The following CRY1 variants were observed in gnomAD, a reference collection of about 807,000 sequenced individuals.
CRY1 encodes cryptochrome-1.
In CRY1, 45 loss-of-function variants were observed where a neutral mutation model predicts 76.0. The observed-to-expected ratio is 0.59, with a 90% CI of 0.47 to 0.76. The LOEUF is 0.76. Among genes scored for constraint, CRY1 ranks in the 30% least tolerant of loss-of-function variants. The pLI is 0.00. For synonymous variants in CRY1, 248 were observed against 244.0 expected, an observed-to-expected ratio of 1.02 and a Z score of -0.15; for missense variants, 587 against 716.4, an observed-to-expected ratio of 0.82 and a Z score of 2.06.
rs572288661 is a variant in CRY1, at chr12:107,065,582, C to T, written c.158+27222G>A. 4.6e-5 allele frequency among the ~76,000 whole-genome samples: 7 copies of T among 151,110 alleles called. No individual in the cohort carries two copies. The East Asian group carries it at 5.8e-4, about 13-fold the overall frequency. ...TGCACTCCAGCCTGGGTGACAAGAG[C>T]GAAACTCTGTTTCAAAAAAAAAAGA... On this transcript the variant is annotated intron_variant, in intron 1 of 12. Transcript: ENST00000008527.
In CRY1 at chr12:107,093,272, C is replaced by A; in HGVS notation, c.-311G>T. On this transcript the variant is annotated 5_prime_UTR_variant, in exon 1 of 13. Transcript: ENST00000008527. The stretch of plus-strand genomic sequence containing the variant: ...GGGCCTCGGACCTCCGGAGCCTGAG[C>A]AAGTTCCAGGAGCTCGAGCCGCCAC... 3.3e-6 allele frequency: 1 copy of A among 301,836 alleles called. No individual in the cohort carries two copies. Among genetic ancestry groups the A allele is most frequent in the Non-Finnish European group, 6.1e-6 (1 of 164,078 alleles). 18.7% of individuals were successfully genotyped at this position (301,836 alleles called of 1,614,324 possible).
chr12:107,005,095 A>G lies in CRY1; in HGVS notation c.410+11T>C. 1.3e-6 allele frequency: 2 copies of G among 1,587,972 alleles called. No individual in the cohort carries two copies. The highest frequency in any genetic ancestry group is 1.7e-6 in the Non-Finnish European group (2 of 1,172,464). On this transcript the variant is annotated intron_variant, in intron 3 of 12. Transcript: ENST00000008527. ...GCATTTTCCCACAGTAAAAAAAAAAAAAGGACTCACTTGTCTAGGTCATAT... is the reference window on the plus strand; with the variant it reads ...GCATTTTCCCACAGTAAAAAAAAAAGAAGGACTCACTTGTCTAGGTCATAT...
At chr12:106,992,244 C>T (rs1593488105) in intron 12 of CRY1, 1 of 152,106 alleles carries the variant, frequency 6.6e-6, no homozygotes, top group East Asian at 1.9e-4. Context: ...CACAAAATGA[C>T]ATCCCAAATC....
At chr12:107,032,431 T>C (rs1342198684) in intron 1 of CRY1, among the ~76,000 whole-genome samples, 2 of 151,978 alleles carry the variant, frequency 1.3e-5, no homozygotes, top group African/African-American at 2.4e-5. Context: ...ATGGAAACTA[T>C]GTGGTCCCAA....
At chr12:107,089,910 T>C (rs1049095832) in intron 1 of CRY1, among the ~76,000 whole-genome samples, 1 of 152,222 alleles carries the variant, frequency 6.6e-6, no homozygotes, top group Non-Finnish European at 1.5e-5. Flanking sequence ...TTTGGTACTA[T>C]GAGTGATTCC....
chr12:107,065,280 G>C (rs140885670), intron 1 of CRY1, among the ~76,000 whole-genome samples: 239 of 151,566 alleles, frequency 1.6e-3, no homozygotes, highest in African/African-American at 5.3e-3. Context: ...GGGCGACAGA[G>C]TGAGACTCTG....
chr12:107,004,810 G>A (rs1191537932), intron 3 of CRY1, among the ~76,000 whole-genome samples: 2 of 152,160 alleles, frequency 1.3e-5, no homozygotes, highest in African/African-American at 4.8e-5. Flanking sequence ...AGGAGGCTGA[G>A]TTAAGAGTAG....
chr12:107,019,180 G>A (rs1952526783), intron 2 of CRY1, among the ~76,000 whole-genome samples: 1 of 152,036 alleles, frequency 6.6e-6, no homozygotes, highest in African/African-American at 2.4e-5. Context: ...GGTGAAGGTG[G>A]GGGACAACAT....
intron 1 of CRY1, among the ~76,000 whole-genome samples, chr12:107,060,447 G>A (rs1194726459): frequency 6.6e-6 from 1 of 152,236 alleles, no homozygotes; most frequent in East Asian, 1.9e-4. Flanking sequence ...CCTTCATCTT[G>A]GGACTTCCCA....
chr12:106,997,349 A>C lies in CRY1; in HGVS notation c.1530T>G (p.Asn510Lys). 1 of 1,614,064 alleles carries C rather than the reference A, an allele frequency of 6.2e-7. No individual in the cohort carries two copies. Among genetic ancestry groups the C allele is most frequent in the Non-Finnish European group, 8.5e-7 (1 of 1,179,954 alleles). ...CTGCAGAATATCCCATGAAGCCTCC[A>C]TTCCCATTAGGATTAGAAGGTACTG... ...LASVPSNPNG[N>K]GGFMGYSAEN... The change falls in exon 10 of 13, where the codon AAT becomes AAG. Residue 510 changes from asparagine to lysine, a missense_variant. Physicochemically the swap from Asn to Lys is moderately conservative, Grantham distance 94. Coordinates refer to ENST00000008527, the MANE Select transcript of CRY1 (RefSeq NM_004075.5).
intron 1 of CRY1, among the ~76,000 whole-genome samples, chr12:107,056,248 C>T (rs1952980805): frequency 6.6e-6 from 1 of 152,200 alleles, no homozygotes; most frequent in African/African-American, 2.4e-5. Flanking sequence ...GAACCAGAAA[C>T]AAAATCCTCC....
At chr12:107,083,567 A>T (rs1953355228) in intron 1 of CRY1, among the ~76,000 whole-genome samples, 1 of 152,226 alleles carries the variant, frequency 6.6e-6, no homozygotes, top group African/African-American at 2.4e-5. Flanking sequence ...AATCCATCAT[A>T]TAAACAGAAC....
intron 2 of CRY1, among the ~76,000 whole-genome samples, chr12:107,013,829 CTTA>C (rs935717384): frequency 1.3e-5 from 2 of 151,984 alleles, no homozygotes; most frequent in African/African-American, 4.8e-5. Context: ...GATAAAATAG[CTTA>C]TTAATACTTT....
At chr12:107,089,064 T>C (rs1387009667) in intron 1 of CRY1, among the ~76,000 whole-genome samples, 2 of 152,252 alleles carry the variant, frequency 1.3e-5, no homozygotes, top group Non-Finnish European at 2.9e-5. Context: ...ACATGTAGCG[T>C]ATATCAGTAC....
chr12:107,000,763 C>G (rs1952299013), intron 5 of CRY1, among the ~76,000 whole-genome samples: 1 of 152,034 alleles, frequency 6.6e-6, no homozygotes, highest in Non-Finnish European at 1.5e-5. Context: ...AATTCTCATG[C>G]CTCAGCATCC....
chr12:107,001,119 T>C (rs192533534), intron 5 of CRY1, among the ~76,000 whole-genome samples, 161 bp downstream of exon 5: 21 of 152,304 alleles, frequency 1.4e-4, no homozygotes, highest in Admixed American at 5.9e-4. Context: ...AATGAGGAGA[T>C]GGTAGTTAAC....
intron 10 of CRY1, 86 bp downstream of exon 10, chr12:106,997,208 A>G (rs1331550456): frequency 8.3e-7 from 1 of 1,207,202 alleles, no homozygotes; most frequent in African/African-American, 1.5e-5. Context: ...GATTTTTATA[A>G]AATATGTTAG....
intron 2 of CRY1, among the ~76,000 whole-genome samples, chr12:107,013,777 C>T (rs1447711397): frequency 6.6e-6 from 1 of 152,074 alleles, no homozygotes; most frequent in East Asian, 1.9e-4. Flanking sequence ...TCAAGAACTT[C>T]ATATTTTTTT....
At chr12:107,089,792 G>A (rs1410092524) in intron 1 of CRY1, among the ~76,000 whole-genome samples, 2 of 152,142 alleles carry the variant, frequency 1.3e-5, no homozygotes, top group Admixed American at 1.3e-4. Flanking sequence ...TTATCCCATA[G>A]TCAATAAGTA....
Sources: allele counts gnomAD v4.1 joint callset (sites outside exome capture counted in the v4.1 genomes callset), GRCh38; gene constraint gnomAD v4.1.1; transcripts MANE v1.5; gene names NCBI Gene and HGNC (gene_info 2026-07-23, HGNC 2026-07-21).